RNF170: variants seen among roughly 807,000 people sequenced by gnomAD.
The protein encoded by RNF170 is ring finger protein 170.
A neutral mutation model predicts 32.7 loss-of-function variants in RNF170; 12 were observed. That is an observed-to-expected ratio of 0.37 (90% CI 0.24 to 0.60). The LOEUF (loss-of-function observed/expected upper bound fraction) is 0.60, where lower values mean the gene tolerates loss of function less well. RNF170 is among the 20% of genes least tolerant of loss of function. The probability of loss-of-function intolerance (pLI) is 0.72; values close to 1 mark genes in which losing one functional copy is unlikely to be tolerated. For missense variants in RNF170, 212 were observed against 311.2 expected, an observed-to-expected ratio of 0.68 and a Z score of 2.40; for synonymous variants, 91 against 103.6, an observed-to-expected ratio of 0.88 and a Z score of 0.74.
At chr8:42,892,586 A>G (rs189430378) in intron 1 of RNF170, among the ~76,000 whole-genome samples, 179 of 152,202 alleles carry the variant, frequency 1.2e-3, no homozygotes, top group African/African-American at 4.2e-3. Context: ...ATTATTAATC[A>G]CAGAATGTTA....
intron 5 of RNF170, among the ~76,000 whole-genome samples, chr8:42,863,802 C>T (rs948255011): frequency 1.3e-5 from 2 of 152,180 alleles, no homozygotes; most frequent in African/African-American, 4.8e-5. Flanking sequence ...CATATAGAAA[C>T]ATCAGTTTTC....
intron 2 of RNF170, among the ~76,000 whole-genome samples, chr8:42,885,325 C>T (rs918890746): frequency 1.3e-5 from 2 of 152,156 alleles, no homozygotes; most frequent in Non-Finnish European, 2.9e-5. Flanking sequence ...TAACTTGATT[C>T]CATATTTCAG....
At chr8:42,869,331 G>T (rs1219433390) in intron 4 of RNF170, among the ~76,000 whole-genome samples, 2 of 152,108 alleles carry the variant, frequency 1.3e-5, no homozygotes, top group Non-Finnish European at 2.9e-5. Context: ...AATCTTCTAT[G>T]GCGTAAGAAG....
upstream of RNF170, chr8:42,896,977 C>A: frequency 2.2e-6 from 1 of 463,104 alleles, no homozygotes; most frequent in Non-Finnish European, 3.5e-6. Flanking sequence ...GGTGACGGTG[C>A]GGAGCCGCTG....
chr8:42,894,797 G>A (rs979005823), intron 1 of RNF170, among the ~76,000 whole-genome samples: 5 of 152,002 alleles, frequency 3.3e-5, no homozygotes, highest in Non-Finnish European at 5.9e-5. Flanking sequence ...ATCGTGATCC[G>A]CTCGCCTCGG....
chr8:42,892,844 A>G (rs1806422491), intron 1 of RNF170, among the ~76,000 whole-genome samples: 1 of 152,078 alleles, frequency 6.6e-6, no homozygotes, highest in Non-Finnish European at 1.5e-5. Flanking sequence ...AAAATTAGCC[A>G]GACGTGGTGG....
intron 4 of RNF170, among the ~76,000 whole-genome samples, chr8:42,865,953 C>G (rs937787118): frequency 6.6e-6 from 1 of 151,940 alleles, no homozygotes; most frequent in Non-Finnish European, 1.5e-5. Context: ...TCACTGCACT[C>G]CAGCCTGGGC....
At chr8:42,883,610 A>G (rs1234883195) in intron 2 of RNF170, among the ~76,000 whole-genome samples, 1 of 149,756 alleles carries the variant, frequency 6.7e-6, no homozygotes, top group Admixed American at 6.7e-5. Context: ...GGCATGACCT[A>G]TAATCACACC....
downstream of RNF170, among the ~76,000 whole-genome samples, chr8:42,852,645 G>C (rs1333392801): frequency 6.6e-6 from 1 of 152,058 alleles, no homozygotes; most frequent in Non-Finnish European, 1.5e-5. Context: ...TCAAACTCCT[G>C]ACCTTGTGAT....
Position 42,854,635 on chromosome 8 carries a change from TAG to T in RNF170, c.*1522_*1523del, listed in dbSNP as rs1563652621. On this transcript the variant is annotated 3_prime_UTR_variant, in exon 7 of 7. Coordinates refer to ENST00000527424, the MANE Select transcript of RNF170 (RefSeq NM_030954.4). ...TTAATTGGTAGCTGATCTGATTAGC[TAG>T]AGAGAATGTGACAGATTTTCTCCTT... 2 of 1,287,232 alleles carry T rather than the reference TAG, an allele frequency of 1.6e-6. No homozygotes were observed. Among genetic ancestry groups the T allele is most frequent in the Non-Finnish European group, 2.0e-6 (2 of 988,674 alleles). The allele number at this position is 1,287,232 out of a possible 1,614,324, so 79.7% of individuals were successfully genotyped here.
intron 2 of RNF170, among the ~76,000 whole-genome samples, chr8:42,886,425 C>T (rs368684483): frequency 1.5e-4 from 23 of 152,236 alleles, no homozygotes; most frequent in African/African-American, 4.8e-4. Flanking sequence ...GTATCAATCA[C>T]TCTGGATTAT....
rs866827757 is a variant in RNF170 at position 42,858,146 on chromosome 8, C to T, written c.508-1718G>A. Among the ~76,000 whole-genome samples the T allele has an allele frequency of 2.6e-5, 4 of 151,914 alleles. No homozygotes were observed. In the South Asian group the frequency reaches 6.2e-4, roughly 24 times the overall value. ...TAAAGAACCATCCTACTGATGTCAC[C>T]GGAGGATATGTAAAAAAAAAATTGC... On this transcript the variant is annotated intron_variant, in intron 6 of 6. Coordinates refer to ENST00000527424, the MANE Select transcript of RNF170 (RefSeq NM_030954.4).
At chr8:42,873,865 T>G in intron 3 of RNF170, 66 bp downstream of exon 3, 1 of 901,244 alleles carries the variant, frequency 1.1e-6, no homozygotes, top group Non-Finnish European at 1.9e-6. Flanking sequence ...TAGTAATGTT[T>G]TATCACAATT....
At chr8:42,857,365 C>T (rs909769650) in intron 6 of RNF170, among the ~76,000 whole-genome samples, 1 of 152,196 alleles carries the variant, frequency 6.6e-6, no homozygotes, top group African/African-American at 2.4e-5. Context: ...TGTGGAAGAA[C>T]TAATATCTAA....
intron 5 of RNF170, among the ~76,000 whole-genome samples, chr8:42,863,424 G>A (rs575111750): frequency 3.9e-5 from 6 of 151,926 alleles, no homozygotes; most frequent in East Asian, 3.9e-4. Context: ...GAAGTAGTAC[G>A]GGCAAATAAG....
chr8:42,873,962 C>A lies in RNF170; in HGVS notation c.182G>T (p.Arg61Met). ...NIHPENQELV[R>M]VLREQLQTEQ... ...TGTTTGAAGCTGTTCTCGAAGTACC[C>A]TTACTAGCTCCTGGTTTTCTGGGTG... The change falls in exon 3 of 7, where the codon AGG (arginine) becomes ATG (methionine). Residue 61 changes from arginine to methionine, a missense_variant. Transcript: ENST00000527424. 6.2e-7 allele frequency: 1 copy of A among 1,603,650 alleles called. No homozygotes were observed. Among genetic ancestry groups the A allele is most frequent in the East Asian group, 2.2e-5 (1 of 44,780 alleles).
intron 2 of RNF170, among the ~76,000 whole-genome samples, chr8:42,874,629 C>T (rs1357372281): frequency 1.3e-5 from 2 of 151,826 alleles, no homozygotes; most frequent in African/African-American, 4.8e-5. Context: ...GTAATCTCAG[C>T]TACTCAGGAG....
rs756602672 is a variant in RNF170, at chr8:42,865,466, G to T, written c.346C>A (p.Arg116=). 10 of 1,613,256 alleles carry T rather than the reference G, an allele frequency of 6.2e-6. No homozygotes were observed. Among genetic ancestry groups the T allele is most frequent in the Admixed American group, 1.7e-5 (1 of 59,968 alleles). ...FCGACIIAYW[R]YGSWLGAISC... ...ATTGCCCCAAGCCATGAACCATATC[G>T]CCAGTAAGCAATAATGCAGGCACCT... The change falls in exon 5 of 7, where the codon CGA becomes AGA. Residue 116 remains arginine, a synonymous_variant. Coordinates refer to ENST00000527424, the MANE Select transcript of RNF170 (RefSeq NM_030954.4).
At chr8:42,887,675 A>G in intron 2 of RNF170, 53 bp downstream of exon 2, 1 of 1,574,524 alleles carries the variant, frequency 6.4e-7, no homozygotes, top group Non-Finnish European at 8.7e-7. Flanking sequence ...TTAGGGGTCA[A>G]AAAGTCAGCA....
Sources: allele counts gnomAD v4.1 joint callset (sites outside exome capture counted in the v4.1 genomes callset), GRCh38; gene constraint gnomAD v4.1.1; transcripts MANE v1.5; gene names NCBI Gene and HGNC (gene_info 2026-07-23, HGNC 2026-07-21).